Variants in ASB16 observed in about 807,000 individuals in gnomAD.
ASB16 encodes the protein ankyrin repeat and SOCS box protein 16.
In ASB16, 44 loss-of-function variants were observed where a neutral mutation model predicts 39.1. The observed-to-expected ratio is 1.13, with a 90% confidence interval of 0.88 to 1.45. ASB16 has a LOEUF of 1.45. Among genes scored for constraint, ASB16 ranks in the 40% most tolerant of loss-of-function variants. The pLI is 0.00. For synonymous variants in ASB16, 305 were observed against 286.7 expected, an observed-to-expected ratio of 1.06 and a Z score of -0.64; for missense variants, 698 against 634.5, an observed-to-expected ratio of 1.10 and a Z score of -1.07.
At chr17:44,172,627 GTTTT>G (rs894313400) in intron 2 of ASB16, among the ~76,000 whole-genome samples, 3 of 150,788 alleles carry the variant, frequency 2.0e-5, no homozygotes, top group Admixed American at 6.6e-5. Context: ...AAACCTAGCT[GTTTT>G]TTTTTGTTTT....
rs1472778544 is a variant in ASB16 at position 44,177,200 on chromosome 17, G to A, written c.1032G>A (p.Leu344=). 6.5e-7 allele frequency: 1 copy of A among 1,541,846 alleles called. No homozygotes were observed. The highest frequency in any genetic ancestry group is 8.7e-7 in the Non-Finnish European group (1 of 1,144,342). Residue 344 remains leucine, a synonymous_variant, in exon 3 of 5, where the codon CTG becomes CTA. Transcript: ENST00000293414. ...CTGAAGTCCTTTTCGCCGCACTGCTGGACTACGGGGCGCAGCCAGTGCGCC... is the reference window on the plus strand; with the variant it reads ...CTGAAGTCCTTTTCGCCGCACTGCTAGACTACGGGGCGCAGCCAGTGCGCC... The part of the protein sequence containing the change: ...WEPEVLFAAL[L]DYGAQPVRPE...
chr17:44,172,331 G>C lies in ASB16; in HGVS notation c.569+18G>C, dbSNP rs368394609. The C allele has an allele frequency of 3.8e-6, 6 of 1,593,500 alleles. No homozygotes were observed. In the African/African-American group the frequency reaches 8.8e-5, roughly 23 times the overall value. On this transcript the variant is annotated intron_variant, in intron 2 of 4. Transcript: ENST00000293414. ...TCCTTGCAGTAGGTGCCTGGGGGCT[G>C]AGACAGTTTGGGGAGAAATGTGTGT...
chr17:44,178,648 T>G lies in ASB16; in HGVS notation c.*258T>G. On this transcript the variant is annotated 3_prime_UTR_variant, in exon 5 of 5. Coordinates refer to ENST00000293414, the MANE Select transcript of ASB16 (RefSeq NM_080863.5). The stretch of plus-strand genomic sequence containing the variant: ...TCACCACACCTGGCTGATTTTGTAT[T>G]TTTAGTAGAGACAGGGTCTCACCAT... The G allele has an allele frequency of 2.0e-6, 1 of 501,792 alleles. No homozygotes were observed. The highest frequency in any genetic ancestry group is 3.6e-6 in the Non-Finnish European group (1 of 281,030). The allele number at this position is 501,792 out of a possible 1,614,324, so 31.1% of individuals were successfully genotyped here.
chr17:44,170,877 C>T lies in ASB16; in HGVS notation c.88C>T (p.Arg30Trp), dbSNP rs763502506. 1.4e-5 allele frequency: 23 copies of T among 1,611,268 alleles called. No homozygotes were observed. The highest frequency in any genetic ancestry group is 6.6e-5 in the South Asian group (6 of 90,950). ...QEWLEWEDRR[R>W]AAAQQCRSRR... ...GTGGCTGGAATGGGAGGACCGGCGG[C>T]GGGCGGCTGCCCAGCAGTGCCGGAG... The change falls in exon 1 of 5, where the codon CGG (arginine) becomes TGG (tryptophan). Residue 30 changes from arginine to tryptophan, a missense_variant. Coordinates refer to ENST00000293414, the MANE Select transcript of ASB16 (RefSeq NM_080863.5).
chr17:44,172,352 T>C (rs1567730517), intron 2 of ASB16, 39 bp downstream of exon 2: 2 of 1,588,980 alleles, frequency 1.3e-6, no homozygotes, highest in Middle Eastern at 1.8e-4. Context: ...GGGAGAAATG[T>C]GTGTGTGTGT....
Position 44,170,859 on chromosome 17 carries a change from G to C in ASB16, c.70G>C (p.Glu24Gln), listed in dbSNP as rs1186739078. 6 of 1,611,602 alleles carry C rather than the reference G, an allele frequency of 3.7e-6. No individual in the cohort carries two copies. The African/African-American group carries it at 8.0e-5, about 22-fold the overall frequency. ...RSLRLQQEWLEWEDRRRAAAQ... is the reference protein window; with the variant it reads ...RSLRLQQEWLQWEDRRRAAAQ... ...TCTCCGCCTGCAGCAGGAGTGGCTG[G>C]AATGGGAGGACCGGCGGCGGGCGGC... Residue 24 changes from glutamate (E) to glutamine (Q), a missense_variant, in exon 1 of 5, where the codon GAA (glutamate) becomes CAA (glutamine). By Grantham distance (29) the Glu-to-Gln change is conservative. Coordinates refer to ENST00000293414, the MANE Select transcript of ASB16 (RefSeq NM_080863.5).
In ASB16 at chr17:44,177,105, C is replaced by T. The variant is rs2054306740; in HGVS notation, c.937C>T (p.Pro313Ser). The change falls in exon 3 of 5, where the codon CCC becomes TCC. Residue 313 changes from proline (P) to serine (S), a missense_variant. Physicochemically the swap from Pro to Ser is moderately conservative, Grantham distance 74 (BLOSUM62 -1). Transcript: ENST00000293414. Reference sequence around the variant, plus strand: ...GCGTTACGGGGCCCGCGCTGAGGTCCCCAATGGGGCGGGCCACACGCCCAT... The same window carrying T: ...GCGTTACGGGGCCCGCGCTGAGGTCTCCAATGGGGCGGGCCACACGCCCAT... ...LLRYGARAEV[P>S]NGAGHTPMDC... The T allele has an allele frequency of 6.7e-7, 1 of 1,483,338 alleles. No individual in the cohort carries two copies. 91.9% of individuals were successfully genotyped at this position (1,483,338 alleles called of 1,614,324 possible). A position where few individuals can be genotyped will look rare whatever the true frequency, so the allele number is the denominator to read the frequency against.
At chr17:44,173,315 C>T (rs1417283509) in intron 2 of ASB16, among the ~76,000 whole-genome samples, 1 of 150,794 alleles carries the variant, frequency 6.6e-6, no homozygotes, top group East Asian at 2.0e-4. Context: ...ATCGCTTGAA[C>T]CCGGGATGCA....
Position 44,177,118 on chromosome 17 carries a change from G to GC in ASB16, c.952dup (p.His318ProfsTer20). ...CGCGCTGAGGTCCCCAATGGGGCGG[G>GC]CCACACGCCCATGGACTGTGCGCTG... On this transcript the variant is annotated frameshift_variant, in exon 3 of 5. Transcript: ENST00000293414. LOFTEE classifies it high-confidence loss of function. 6.7e-7 allele frequency: 1 copy of GC among 1,490,220 alleles called. No homozygotes were observed. The highest frequency in any genetic ancestry group is 1.3e-5 in the South Asian group (1 of 77,322). 92.3% of individuals were successfully genotyped at this position (1,490,220 alleles called of 1,614,324 possible). A position where few individuals can be genotyped will look rare whatever the true frequency, so the allele number is the denominator to read the frequency against.
At chr17:44,177,867 C>CT in intron 4 of ASB16, 145 bp downstream of exon 4, 2 of 1,181,522 alleles carry the variant, frequency 1.7e-6, no homozygotes, top group Non-Finnish European at 2.3e-6. Context: ...AGGGTACCCC[C>CT]TCCCCCGGTA....
Position 44,172,327 on chromosome 17 carries a change from G to A in ASB16, c.569+14G>A. 1 of 1,599,426 alleles carries A rather than the reference G, an allele frequency of 6.3e-7. No individual in the cohort carries two copies. The highest frequency in any genetic ancestry group is 8.5e-7 in the Non-Finnish European group (1 of 1,175,862). On this transcript the variant is annotated intron_variant, in intron 2 of 4. Transcript: ENST00000293414. ...CGAGTCCTTGCAGTAGGTGCCTGGG[G>A]GCTGAGACAGTTTGGGGAGAAATGT...
intron 1 of ASB16, 24 bp from the exon 2 acceptor site, chr17:44,172,022 C>T: frequency 6.2e-7 from 1 of 1,601,274 alleles, no homozygotes. Context: ...TACACCACCT[C>T]CCAAAACTAT....
At position 44,173,022 on chromosome 17, in the gene ASB16, C is replaced by T. The variant is rs1012783343; in HGVS notation, c.569+709C>T. Among the ~76,000 whole-genome samples the T allele has an allele frequency of 7.5e-4, 112 of 149,324 alleles. 1 individual carries two copies. Among genetic ancestry groups the T allele is most frequent in the South Asian group, 1.5e-3 (7 of 4,666 alleles). On this transcript the variant is annotated intron_variant, in intron 2 of 4. Transcript: ENST00000293414. ...GGTCGAGGCACAAGAATCGCTTGAA[C>T]CCGGGAGGCAGAGGTTGCAGTGAGC...
At chr17:44,172,583 G>A (rs887698310) in intron 2 of ASB16, among the ~76,000 whole-genome samples, 1 of 152,114 alleles carries the variant, frequency 6.6e-6, no homozygotes, top group African/African-American at 2.4e-5. Context: ...TGTTCCAACT[G>A]CAGTCTCCAA....
chr17:44,177,167 C>T lies in ASB16; in HGVS notation c.999C>T (p.Asn333=). The part of the protein sequence containing the change: ...CALQAVQDSP[N]WEPEVLFAAL... Reference sequence around the variant, plus strand: ...TGCAGGCCGTCCAGGACTCCCCCAACTGGGAGCCTGAAGTCCTTTTCGCCG... The same window carrying T: ...TGCAGGCCGTCCAGGACTCCCCCAATTGGGAGCCTGAAGTCCTTTTCGCCG... The change falls in exon 3 of 5, where the codon AAC becomes AAT. Residue 333 remains asparagine, a synonymous_variant. Coordinates refer to ENST00000293414, the MANE Select transcript of ASB16 (RefSeq NM_080863.5). 6.5e-7 allele frequency: 1 copy of T among 1,531,482 alleles called. No individual in the cohort carries two copies. The highest frequency in any genetic ancestry group is 8.8e-7 in the Non-Finnish European group (1 of 1,140,718). The allele number at this position is 1,531,482 out of a possible 1,614,324, so 94.9% of individuals were successfully genotyped here.
At chr17:44,175,173 G>A (rs2054277267) in intron 2 of ASB16, among the ~76,000 whole-genome samples, 1 of 150,718 alleles carries the variant, frequency 6.6e-6, no homozygotes, top group Non-Finnish European at 1.5e-5. Flanking sequence ...GCCGAGGTGG[G>A]TGGATCACGA....
In ASB16 at chr17:44,176,857, T is replaced by G; in HGVS notation, c.689T>G (p.Leu230Arg). ...CTGGAGCAACATGTGGCTCTGTACC[T>G]GGAGCATGGCGCCGACGTGGGCCTG... ...RGLEQHVALY[L>R]EHGADVGLRT... The change falls in exon 3 of 5, where the codon CTG becomes CGG. Residue 230 changes from leucine (L) to arginine (R), a missense_variant. Transcript: ENST00000293414. 6.2e-7 allele frequency: 1 copy of G among 1,610,624 alleles called. No individual in the cohort carries two copies. Among genetic ancestry groups the G allele is most frequent in the Non-Finnish European group, 8.5e-7 (1 of 1,178,914 alleles).
chr17:44,171,842 G>A (rs932736222), intron 1 of ASB16, among the ~76,000 whole-genome samples: 1 of 152,040 alleles, frequency 6.6e-6, no homozygotes, highest in Non-Finnish European at 1.5e-5. Context: ...AGATTGATAA[G>A]CTGTATTAAA....
At chr17:44,175,400 T>TAAA (rs10583057) in intron 2 of ASB16, among the ~76,000 whole-genome samples, 39 of 56,256 alleles carry the variant, frequency 6.9e-4, no homozygotes, top group African/African-American at 2.6e-3. Flanking sequence ...AGACTCCATC[T>TAAA]AAAAAAAAAA....
Sources: allele counts gnomAD v4.1 joint callset (sites outside exome capture counted in the v4.1 genomes callset), GRCh38; gene constraint gnomAD v4.1.1; transcripts MANE v1.5; gene names NCBI Gene and HGNC (gene_info 2026-07-23, HGNC 2026-07-21).